The following UBE2W variants were observed in gnomAD, a reference collection of about 807,000 sequenced individuals.
The protein encoded by UBE2W is ubiquitin-conjugating enzyme E2 W.
Under a neutral mutation model 27.2 loss-of-function variants are expected in UBE2W, and 18 were observed. The ratio of observed to expected loss-of-function variants is 0.66; its 90% confidence interval spans 0.46 to 0.98. UBE2W has a LOEUF of 0.98. Ranked by LOEUF, UBE2W falls within the 50% of genes least tolerant of loss-of-function variation. UBE2W has a pLI of 0.00. For synonymous variants in UBE2W, 53 were observed against 57.2 expected, an observed-to-expected ratio of 0.93 and a Z score of 0.33; for missense variants, 90 against 180.2, an observed-to-expected ratio of 0.50 and a Z score of 2.87.
At position 73,797,290 on chromosome 8, in the gene UBE2W, C is replaced by A. The variant is rs138219834; in HGVS notation, c.443-3175G>T. Reference sequence around the variant, plus strand: ...CTTGGATATCCCCAGGGACAGAAGACTAGAAAAAAAAGGAACACAGTAATA... The same window carrying A: ...CTTGGATATCCCCAGGGACAGAAGAATAGAAAAAAAAGGAACACAGTAATA... On this transcript the variant is annotated intron_variant, in intron 5 of 5. Coordinates refer to ENST00000602593, the MANE Select transcript of UBE2W (RefSeq NM_018299.6). Among the ~76,000 whole-genome samples, 452 of 151,750 alleles carry A rather than the reference C, an allele frequency of 3.0e-3. 1 individual carries two copies. The highest frequency in any genetic ancestry group is 6.8e-3 in the Middle Eastern group (2 of 294).
intron 3 of UBE2W, 45 bp from the exon 4 acceptor site, chr8:73,810,674 A>T: frequency 8.4e-6 from 12 of 1,434,704 alleles, no homozygotes; most frequent in Non-Finnish European, 1.1e-5. Context: ...ATTCTCTACT[A>T]CCAAAAACTA....
chr8:73,857,602 G>A (rs1317501969), intron 1 of UBE2W, among the ~76,000 whole-genome samples: 1 of 152,086 alleles, frequency 6.6e-6, no homozygotes, highest in African/African-American at 2.4e-5. Context: ...CAGATCACAA[G>A]GTCAGGAGTT....
intron 3 of UBE2W, among the ~76,000 whole-genome samples, chr8:73,824,352 CTGA>C (rs1240756330): frequency 6.6e-6 from 1 of 152,314 alleles, no homozygotes; most frequent in East Asian, 1.9e-4. Flanking sequence ...AGACTTTGTG[CTGA>C]TGTTTAGATA....
rs78775842 is a variant in UBE2W at position 73,817,821 on chromosome 8, C to T, written c.211-7192G>A. On this transcript the variant is annotated intron_variant, in intron 3 of 5. Transcript: ENST00000602593. ...AGCCACCACGCCCAGTTGTGGACTT[C>T]AGAGTTTTGATGGAGATGGGCCATC... Among the ~76,000 whole-genome samples, 1,239 of 152,310 alleles carry T rather than the reference C, an allele frequency of 8.1e-3. 20 individuals are homozygous for T. The highest frequency in any genetic ancestry group is 0.028 in the African/African-American group (1,181 of 41,560).
At chr8:73,813,750 GTTT>G (rs11349382) in intron 3 of UBE2W, among the ~76,000 whole-genome samples, 3 of 147,262 alleles carry the variant, frequency 2.0e-5, no homozygotes, top group African/African-American at 7.4e-5. Flanking sequence ...TCCACAGATG[GTTT>G]TTTTTTTTTC....
Position 73,787,118 on chromosome 8 carries a change from A to T in UBE2W, c.*6984T>A, listed in dbSNP as rs891301338. On this transcript the variant is annotated 3_prime_UTR_variant, in exon 6 of 6. Transcript: ENST00000602593. ...AGGGCGTAGGGATTCCCACTTATGT[A>T]TTTTGCATTATGCAGGCAAACATTA... is the stretch of plus-strand genomic sequence containing the variant. The T allele has an allele frequency of 2.0e-6, 2 of 985,442 alleles. No homozygotes were observed. Among genetic ancestry groups the T allele is most frequent in the South Asian group, 9.4e-5 (2 of 21,288 alleles). The allele number at this position is 985,442 out of a possible 1,614,324, so 61.0% of individuals were successfully genotyped here. A position where few individuals can be genotyped will look rare whatever the true frequency, so the allele number is the denominator to read the frequency against.
chr8:73,834,334 T>C (rs1364711774), intron 1 of UBE2W, among the ~76,000 whole-genome samples: 1 of 152,248 alleles, frequency 6.6e-6, no homozygotes, highest in Non-Finnish European at 1.5e-5. Flanking sequence ...AAGGTTTTAA[T>C]TATTTTCTAC....
intron 3 of UBE2W, among the ~76,000 whole-genome samples, chr8:73,823,767 T>C (rs963688897): frequency 1.3e-5 from 2 of 152,244 alleles, no homozygotes; most frequent in African/African-American, 2.4e-5. Context: ...TCTGCTCATA[T>C]GAAAATTTTA....
At chr8:73,876,394 T>G (rs1586559866) in intron 1 of UBE2W, among the ~76,000 whole-genome samples, 1 of 152,130 alleles carries the variant, frequency 6.6e-6, no homozygotes, top group South Asian at 2.1e-4. Flanking sequence ...TTCAAAAAGC[T>G]TGACATATAT....
At chr8:73,844,715 C>G (rs1810699374) in intron 1 of UBE2W, among the ~76,000 whole-genome samples, 1 of 150,502 alleles carries the variant, frequency 6.6e-6, no homozygotes, top group Admixed American at 6.6e-5. Flanking sequence ...CGTCTCTGCC[C>G]AGCCGCCCAT....
chr8:73,845,030 G>A (rs1217470022), intron 1 of UBE2W, among the ~76,000 whole-genome samples: 6 of 146,812 alleles, frequency 4.1e-5, no homozygotes, highest in African/African-American at 5.1e-5. Context: ...GCCCCCGCCC[G>A]GCCAGCCACC....
chr8:73,827,069 A>G (rs1212026685), intron 2 of UBE2W, among the ~76,000 whole-genome samples: 3 of 152,256 alleles, frequency 2.0e-5, no homozygotes, highest in Non-Finnish European at 4.4e-5. Flanking sequence ...CACATAACAT[A>G]AATTAACATG....
chr8:73,840,427 C>T (rs948578085), intron 1 of UBE2W, among the ~76,000 whole-genome samples: 2 of 152,176 alleles, frequency 1.3e-5, no homozygotes, highest in Admixed American at 1.3e-4. Flanking sequence ...CCCACATTAA[C>T]ACATTTTGAA....
chr8:73,822,965 G>C (rs1809688627), intron 3 of UBE2W, among the ~76,000 whole-genome samples: 1 of 152,170 alleles, frequency 6.6e-6, no homozygotes, highest in South Asian at 2.1e-4. Context: ...TTTGTTATTG[G>C]AAAGATCAAG....
At position 73,788,011 on chromosome 8, in the gene UBE2W, T is replaced by C. The variant is rs1436706241; in HGVS notation, c.*6091A>G. ...GGAAATGGACATGTTCCTGTTTCTA[T>C]AATCCTTTAAAATTCAGTCTTTTGT... On this transcript the variant is annotated 3_prime_UTR_variant, in exon 6 of 6. Transcript: ENST00000602593. 2 of 985,474 alleles carry C rather than the reference T, an allele frequency of 2.0e-6. No individual in the cohort carries two copies. The highest frequency in any genetic ancestry group is 2.4e-6 in the Non-Finnish European group (2 of 829,934). The allele number at this position is 985,474 out of a possible 1,614,324, so 61.0% of individuals were successfully genotyped here.
At chr8:73,805,755 G>C (rs370818727) in intron 4 of UBE2W, 29 bp from the exon 5 acceptor site, 32 of 1,279,154 alleles carry the variant, frequency 2.5e-5, no homozygotes, top group Non-Finnish European at 3.3e-5. Context: ...TAAATAGGTT[G>C]AAAAACAGAA....
At position 73,787,205 on chromosome 8, in the gene UBE2W, CCA is replaced by C. The variant is rs1455533319; in HGVS notation, c.*6895_*6896del. The C allele has an allele frequency of 1.0e-6, 1 of 985,324 alleles. No homozygotes were observed. The highest frequency in any genetic ancestry group is 1.2e-6 in the Non-Finnish European group (1 of 829,946). The allele number at this position is 985,324 out of a possible 1,614,324, so 61.0% of individuals were successfully genotyped here. On this transcript the variant is annotated 3_prime_UTR_variant, in exon 6 of 6. Coordinates refer to ENST00000602593, the MANE Select transcript of UBE2W (RefSeq NM_018299.6). ...AAGGGGCTCCCAACAGGACAGATAA[CCA>C]CAGTGGCTTTGAGCTTTGTTGTCCA...
intron 5 of UBE2W, chr8:73,795,937 C>G (rs1321380756): frequency 5.4e-6 from 1 of 185,558 alleles, no homozygotes; most frequent in African/African-American, 2.4e-5. Context: ...CAAAAATTAG[C>G]CTGGCATGGT....
chr8:73,818,641 C>T lies in UBE2W; in HGVS notation c.210+6506G>A, dbSNP rs370985630. Among the ~76,000 whole-genome samples the T allele has an allele frequency of 1.7e-4, 26 of 152,304 alleles. No homozygotes were observed. The South Asian group carries it at 5.4e-3, about 32-fold the overall frequency. On this transcript the variant is annotated intron_variant, in intron 3 of 5. Transcript: ENST00000602593. ...CTCCAAATCTCATGTTGAAATGTAA[C>T]CCCCAATGTTGGAGGTGGGGCCTGG...
Sources: allele counts gnomAD v4.1 joint callset (sites outside exome capture counted in the v4.1 genomes callset), GRCh38; gene constraint gnomAD v4.1.1; transcripts MANE v1.5; gene names NCBI Gene and HGNC (gene_info 2026-07-23, HGNC 2026-07-21).